Variants in NUP98 observed in about 807,000 individuals in gnomAD.
NUP98 encodes the protein nucleoporin 98 and 96 precursor.
Under a neutral mutation model 191.9 loss-of-function variants are expected in NUP98, and 26 were observed. That is an observed-to-expected ratio of 0.14 (90% CI 0.10 to 0.19). NUP98 has a LOEUF of 0.19. NUP98 is among the 10% of genes least tolerant of loss of function. The probability of loss-of-function intolerance (pLI) is 1.00; values close to 1 mark genes in which losing one functional copy is unlikely to be tolerated. For synonymous variants in NUP98, 808 were observed against 778.4 expected, an observed-to-expected ratio of 1.04 and a Z score of -0.63; for missense variants, 1,941 against 2,178.8, an observed-to-expected ratio of 0.89 and a Z score of 2.17.
rs113132744 is a variant in NUP98 at position 3,695,154 on chromosome 11, C to T, written c.4167+295G>A. 5.3e-3 allele frequency among the ~76,000 whole-genome samples: 806 copies of T among 152,208 alleles called. 6 individuals carry two copies. The highest frequency in any genetic ancestry group is 0.019 in the African/African-American group (769 of 41,514). ...CTCCTGCCTAGGCAACAGAGCCAGA[C>T]CCTATCTCAAAAAAATTAATTAACT... is the stretch of plus-strand genomic sequence containing the variant. On this transcript the variant is annotated intron_variant, in intron 26 of 32. Transcript: ENST00000324932.
At chr11:3,703,409 A>G (rs1015813823) in intron 22 of NUP98, among the ~76,000 whole-genome samples, 2 of 151,866 alleles carry the variant, frequency 1.3e-5, no homozygotes, top group African/African-American at 4.8e-5. Context: ...GTAGAGACAG[A>G]GTTTCACCAT....
In NUP98 at chr11:3,720,850, CAG is replaced by C. The variant is rs2079365809; in HGVS notation, c.2147-27_2147-26del. 1.9e-5 allele frequency: 10 copies of C among 529,232 alleles called. No individual in the cohort carries two copies. The Admixed American group carries it at 2.1e-4, about 11-fold the overall frequency. 32.8% of individuals were successfully genotyped at this position (529,232 alleles called of 1,614,324 possible). On this transcript the variant is annotated intron_variant, in intron 16 of 32. Coordinates refer to ENST00000324932, the MANE Select transcript of NUP98 (RefSeq NM_016320.5). ...CCTGTGACAAAAAAAAAAAAAAAAA[CAG>C]AAAAAAAAATAACCTGAAATAATCA...
intron 7 of NUP98, among the ~76,000 whole-genome samples, chr11:3,770,110 C>T (rs1261971728): frequency 6.6e-6 from 1 of 151,382 alleles, no homozygotes; most frequent in Non-Finnish European, 1.5e-5. Context: ...TTTGGGAGGC[C>T]GAGGCTGGTT....
intron 10 of NUP98, among the ~76,000 whole-genome samples, chr11:3,759,442 C>T (rs1322662930): frequency 6.6e-6 from 1 of 151,936 alleles, no homozygotes; most frequent in Non-Finnish European, 1.5e-5. Flanking sequence ...ACTAAAAACA[C>T]AAAAATTAGC....
intron 8 of NUP98, among the ~76,000 whole-genome samples, chr11:3,765,940 G>A (rs1240531480): frequency 6.6e-6 from 1 of 152,124 alleles, no homozygotes; most frequent in Non-Finnish European, 1.5e-5. Flanking sequence ...TTTCCTCACT[G>A]AATTGTTTTG....
Position 3,679,599 on chromosome 11 carries a change from G to A in NUP98, c.5028C>T (p.Tyr1676=). 1 of 1,614,178 alleles carries A rather than the reference G, an allele frequency of 6.2e-7. No individual in the cohort carries two copies. The highest frequency in any genetic ancestry group is 8.5e-7 in the Non-Finnish European group (1 of 1,180,036). ...IQDWETSGLV[Y]LDYIRVIEML... ...TTTCAATGACTCTAATATAGTCCAGGTAAACAAGCCCAGATGTTTCCCAAT... is the reference window on the plus strand; with the variant it reads ...TTTCAATGACTCTAATATAGTCCAGATAAACAAGCCCAGATGTTTCCCAAT... Residue 1676 remains tyrosine, a synonymous_variant, in exon 31 of 33, where the codon TAC becomes TAT. Transcript: ENST00000324932.
chr11:3,720,975 A>AGTGAGT (rs1554891503), intron 16 of NUP98, 150 bp from the exon 17 acceptor site: 13 of 324,600 alleles, frequency 4.0e-5, no homozygotes, highest in African/African-American at 2.9e-4. Flanking sequence ...GGGGTGTGTG[A>AGTGAGT]GTGTGTGTGT....
intron 12 of NUP98, among the ~76,000 whole-genome samples, chr11:3,742,255 G>A (rs1471453111): frequency 3.3e-5 from 5 of 152,034 alleles, no homozygotes; most frequent in Non-Finnish European, 7.4e-5. Context: ...AAACTCCAAG[G>A]GGAAAAAATC....
chr11:3,794,596 G>A (rs1256351547), intron 1 of NUP98, among the ~76,000 whole-genome samples: 1 of 152,008 alleles, frequency 6.6e-6, no homozygotes, highest in Non-Finnish European at 1.5e-5. Flanking sequence ...CAAAGTGCTA[G>A]GATTACAGGC....
intron 11 of NUP98, among the ~76,000 whole-genome samples, chr11:3,747,042 C>T (rs531691083): frequency 1.3e-5 from 2 of 152,062 alleles, no homozygotes; most frequent in African/African-American, 4.8e-5. Context: ...GTTTTATGCA[C>T]AAATGGCTTT....
At position 3,695,335 on chromosome 11, in the gene NUP98, A is replaced by G. The variant is rs112232878; in HGVS notation, c.4167+114T>C. 1,160 of 974,064 alleles carry G rather than the reference A, an allele frequency of 1.2e-3. 7 individuals carry two copies. The African/African-American group carries it at 0.017, about 15-fold the overall frequency. The allele number at this position is 974,064 out of a possible 1,614,324, so 60.3% of individuals were successfully genotyped here. ...AATTTGAAAATTGTCCAATGTGTAA[A>G]ACATTTTGTGTAACTGTGCACAATT... On this transcript the variant is annotated intron_variant, in intron 26 of 32. Coordinates refer to ENST00000324932, the MANE Select transcript of NUP98 (RefSeq NM_016320.5).
rs2078042330 is a variant in NUP98, at chr11:3,683,563, A to C, written c.4677-122T>G. The C allele has an allele frequency of 3.0e-6, 3 of 1,011,308 alleles. No individual in the cohort carries two copies. The East Asian group carries it at 7.8e-5, about 26-fold the overall frequency. 62.6% of individuals were successfully genotyped at this position (1,011,308 alleles called of 1,614,324 possible). A position where few individuals can be genotyped will look rare whatever the true frequency, so the allele number is the denominator to read the frequency against. ...TGCAGGTCTTTTTTTTTTTTGATGG[A>C]GTTTCACTCTTGTTGCCCAGGCTGG... On this transcript the variant is annotated intron_variant, in intron 29 of 32. Transcript: ENST00000324932.
intron 14 of NUP98, among the ~76,000 whole-genome samples, chr11:3,726,766 T>A (rs1283175486): frequency 1.3e-5 from 2 of 151,924 alleles, no homozygotes; most frequent in African/African-American, 4.8e-5. Context: ...ACCATCAGAT[T>A]AGATTACCAA....
chr11:3,691,508 A>G lies in NUP98; in HGVS notation c.4312-19T>C, dbSNP rs760002454. 3 of 1,613,184 alleles carry G rather than the reference A, an allele frequency of 1.9e-6. No homozygotes were observed. The highest frequency in any genetic ancestry group is 1.7e-6 in the Non-Finnish European group (2 of 1,179,260). ...AGGTATTCTGAAGGAATAATTTGAT[A>G]AAACAATACATTAGCTCCTAATCAG... On this transcript the variant is annotated intron_variant, in intron 27 of 32. Transcript: ENST00000324932.
intron 13 of NUP98, among the ~76,000 whole-genome samples, chr11:3,733,631 T>C (rs2079927473): frequency 6.6e-6 from 1 of 152,210 alleles, no homozygotes; most frequent in African/African-American, 2.4e-5. Flanking sequence ...TTCACTTATG[T>C]TTTCAAGGTT....
chr11:3,788,017 C>T (rs2082201798), intron 1 of NUP98, among the ~76,000 whole-genome samples: 1 of 152,008 alleles, frequency 6.6e-6, no homozygotes, highest in African/African-American at 2.4e-5. Context: ...TTTACTTCCC[C>T]TCTTCCTTTC....
intron 4 of NUP98, among the ~76,000 whole-genome samples, chr11:3,776,419 C>T (rs1162446628): frequency 6.6e-6 from 1 of 152,042 alleles, no homozygotes; most frequent in Non-Finnish European, 1.5e-5. Flanking sequence ...GCCACTGCAC[C>T]TGATCTCATA....
At chr11:3,751,526 A>G (rs2080752068) in intron 11 of NUP98, among the ~76,000 whole-genome samples, 1 of 152,126 alleles carries the variant, frequency 6.6e-6, no homozygotes, top group Admixed American at 6.6e-5. Context: ...CTTTTCATGA[A>G]ATTTCTGAAT....
intron 4 of NUP98, 39 bp downstream of exon 4, chr11:3,778,834 A>G (rs2081846620): frequency 1.3e-6 from 2 of 1,586,888 alleles, no homozygotes; most frequent in Non-Finnish European, 1.7e-6. Flanking sequence ...TAAGCAAACC[A>G]AATTATTAGA....
Sources: allele counts gnomAD v4.1 joint callset (sites outside exome capture counted in the v4.1 genomes callset), GRCh38; gene constraint gnomAD v4.1.1; transcripts MANE v1.5; gene names NCBI Gene and HGNC (gene_info 2026-07-23, HGNC 2026-07-21).